The following PARVB variants were observed in gnomAD, a reference collection of about 807,000 sequenced individuals.
PARVB encodes beta-parvin.
PARVB carries 46 observed loss-of-function variants against 47.0 expected under a neutral mutation model. The ratio of observed to expected loss-of-function variants is 0.98; its 90% confidence interval spans 0.77 to 1.25. PARVB has a LOEUF of 1.25. PARVB is among the 50% of genes most tolerant of loss of function. PARVB has a pLI of 0.00. For synonymous variants in PARVB, 196 were observed against 196.3 expected, an observed-to-expected ratio of 1.00 and a Z score of 0.01; for missense variants, 473 against 471.6, an observed-to-expected ratio of 1.00 and a Z score of -0.03.
At chr22:44,009,932 G>T (rs2050505748) in intron 2 of PARVB, among the ~76,000 whole-genome samples, 1 of 151,166 alleles carries the variant, frequency 6.6e-6, no homozygotes, top group Non-Finnish European at 1.5e-5. Flanking sequence ...TCAGCCTCTC[G>T]AGTAGCTGGG....
chr22:44,074,355 G>T (rs1389588111), intron 1 of PARVB, among the ~76,000 whole-genome samples: 1 of 152,222 alleles, frequency 6.6e-6, no homozygotes, highest in African/African-American at 2.4e-5. Context: ...CTGGCTAGTG[G>T]CGCCTCCTGG....
intron 4 of PARVB, among the ~76,000 whole-genome samples, chr22:44,121,284 G>T (rs1478285578): frequency 6.6e-6 from 1 of 152,140 alleles, no homozygotes; most frequent in Non-Finnish European, 1.5e-5. Flanking sequence ...CTACAGGTGT[G>T]AGCTACCATG....
chr22:44,046,091 G>A (rs913971815), intron 1 of PARVB, among the ~76,000 whole-genome samples: 6 of 152,114 alleles, frequency 3.9e-5, no homozygotes, highest in African/African-American at 9.7e-5. Flanking sequence ...ATTTCCCTTC[G>A]CAATGTTTTG....
Position 44,136,470 on chromosome 22 carries a change from G to C in PARVB, c.644G>C (p.Gly215Ala), listed in dbSNP as rs1601661991. 1 of 1,613,992 alleles carries C rather than the reference G, an allele frequency of 6.2e-7. No homozygotes were observed. The highest frequency in any genetic ancestry group is 2.2e-5 in the East Asian group (1 of 44,862). The change falls in exon 7 of 13, where the codon GGC (glycine) becomes GCC (alanine). Residue 215 changes from glycine (G) to alanine (A), a missense_variant. Physicochemically the swap from Gly to Ala is moderately conservative, Grantham distance 60. Transcript: ENST00000338758. ...VQVVVVRKRE[G>A]LLHSSHISEE... ...TTTTGGGGTTTTCAGAAACGGGAAG[G>C]CCTGCTGCATTCCAGCCACATCTCG...
intron 4 of PARVB, among the ~76,000 whole-genome samples, chr22:44,121,167 A>T (rs2053038681): frequency 6.6e-6 from 1 of 151,626 alleles, no homozygotes; most frequent in Non-Finnish European, 1.5e-5. Flanking sequence ...TTAAATTTTT[A>T]AATTTCATTT....
At chr22:44,013,645 T>C (rs575444157) in intron 2 of PARVB, among the ~76,000 whole-genome samples, 2 of 152,322 alleles carry the variant, frequency 1.3e-5, no homozygotes, top group Admixed American at 6.5e-5. Context: ...TTGTTCTTTT[T>C]TTTTCTGGAT....
At chr22:44,062,394 T>G (rs984133635) in intron 1 of PARVB, among the ~76,000 whole-genome samples, 3 of 152,024 alleles carry the variant, frequency 2.0e-5, no homozygotes, top group Admixed American at 6.5e-5. Flanking sequence ...CCCCAGCACT[T>G]TGGGAGGCCA....
chr22:44,083,037 T>C (rs917809468), intron 1 of PARVB, among the ~76,000 whole-genome samples: 39 of 151,630 alleles, frequency 2.6e-4, no homozygotes, highest in African/African-American at 9.0e-4. Flanking sequence ...GGGCTGCTTG[T>C]ACTAGCAAGT....
At chr22:44,063,131 A>G (rs1486467565) in intron 1 of PARVB, among the ~76,000 whole-genome samples, 1 of 151,724 alleles carries the variant, frequency 6.6e-6, no homozygotes, top group Non-Finnish European at 1.5e-5. Context: ...ACTAAATATT[A>G]GAACAAAAGA....
chr22:44,165,453 G>T (rs1024160142), intron 12 of PARVB, among the ~76,000 whole-genome samples: 11 of 152,164 alleles, frequency 7.2e-5, no homozygotes, highest in African/African-American at 2.4e-4. Context: ...ATACCGGCCC[G>T]GCCTGGGTCT....
intron 4 of PARVB, among the ~76,000 whole-genome samples, chr22:44,130,176 G>A (rs891699759): frequency 4.6e-5 from 7 of 152,212 alleles, no homozygotes; most frequent in East Asian, 1.9e-4. Context: ...TGTCAATGCC[G>A]CGTCACTGAC....
chr22:44,011,025 T>C (rs1370153599), intron 2 of PARVB, among the ~76,000 whole-genome samples: 3 of 151,884 alleles, frequency 2.0e-5, no homozygotes, highest in African/African-American at 7.3e-5. Context: ...AGGGTTTCAC[T>C]GTGTTAGCCA....
At chr22:44,095,309 G>A (rs2052276336) in intron 2 of PARVB, among the ~76,000 whole-genome samples, 1 of 152,076 alleles carries the variant, frequency 6.6e-6, no homozygotes, top group African/African-American at 2.4e-5. Flanking sequence ...AGGAGTTTGA[G>A]ATCAGCCTGG....
At chr22:44,055,907 C>A (rs928765252) in intron 1 of PARVB, among the ~76,000 whole-genome samples, 1 of 152,162 alleles carries the variant, frequency 6.6e-6, no homozygotes, top group Non-Finnish European at 1.5e-5. Context: ...GGAGGGCCAT[C>A]TGTTGTACCC....
Position 44,172,858 on chromosome 22 carries a change from C to G in PARVB, c.*4180C>G, listed in dbSNP as rs2294539. Reference sequence around the variant, plus strand: ...TCACTGCAACACCGGGCAAACACTTCTTCCGCCAGGGATGCGGTTAGGACA... The same window carrying G: ...TCACTGCAACACCGGGCAAACACTTGTTCCGCCAGGGATGCGGTTAGGACA... On this transcript the variant is annotated 3_prime_UTR_variant, in exon 13 of 13. Coordinates refer to ENST00000338758, the MANE Select transcript of PARVB (RefSeq NM_013327.5). The G allele has an allele frequency of 6.2e-6, 5 of 804,998 alleles. No individual in the cohort carries two copies. In the East Asian group the frequency reaches 3.5e-4, roughly 56 times the overall value. The allele number at this position is 804,998 out of a possible 1,614,324, so 49.9% of individuals were successfully genotyped here.
At chr22:44,033,372 A>G (rs749618803) in intron 1 of PARVB, among the ~76,000 whole-genome samples, 4 of 152,158 alleles carry the variant, frequency 2.6e-5, no homozygotes, top group Non-Finnish European at 5.9e-5. Context: ...TACTTGGCTG[A>G]GTAACTGTTT....
At chr22:44,076,477 C>T (rs1229393233) in intron 1 of PARVB, among the ~76,000 whole-genome samples, 1 of 152,162 alleles carries the variant, frequency 6.6e-6, no homozygotes, top group Non-Finnish European at 1.5e-5. Flanking sequence ...GGGTGCAGCC[C>T]AGGGGTTCTG....
chr22:44,030,513 C>A (rs73436651), intron 1 of PARVB, among the ~76,000 whole-genome samples: 2 of 151,958 alleles, frequency 1.3e-5, no homozygotes, highest in African/African-American at 4.8e-5. Flanking sequence ...GAGCTTGGAA[C>A]CCTTGCTGGG....
At chr22:44,006,249 C>T (rs1287669087) in intron 2 of PARVB, among the ~76,000 whole-genome samples, 1 of 152,072 alleles carries the variant, frequency 6.6e-6, no homozygotes, top group Non-Finnish European at 1.5e-5. Flanking sequence ...CCACACCAGG[C>T]CCATGGAATG....
Sources: allele counts gnomAD v4.1 joint callset (sites outside exome capture counted in the v4.1 genomes callset), GRCh38; gene constraint gnomAD v4.1.1; transcripts MANE v1.5; gene names NCBI Gene and HGNC (gene_info 2026-07-23, HGNC 2026-07-21).